The following DERL1 variants were observed in gnomAD, a reference collection of about 807,000 sequenced individuals.
The protein encoded by DERL1 is derlin 1.
In DERL1, 24 loss-of-function variants were observed where a neutral mutation model predicts 41.6. That is an observed-to-expected ratio of 0.58 (90% CI 0.42 to 0.81). The LOEUF (loss-of-function observed/expected upper bound fraction) is 0.81. Among genes scored for constraint, DERL1 ranks in the 30% least tolerant of loss-of-function variants. The pLI, the probability that DERL1 is intolerant of heterozygous loss-of-function variation, is 0.00. For synonymous variants in DERL1, 124 were observed against 112.5 expected, an observed-to-expected ratio of 1.10 and a Z score of -0.65; for missense variants, 260 against 314.3, an observed-to-expected ratio of 0.83 and a Z score of 1.31.
chr8:123,025,395 C>G (rs1270927077), intron 2 of DERL1, among the ~76,000 whole-genome samples: 1 of 152,222 alleles, frequency 6.6e-6, no homozygotes, highest in East Asian at 1.9e-4. Flanking sequence ...CAAGCTCCCT[C>G]CCAGCCTGTC....
chr8:123,041,801 A>C (rs1294007686), intron 1 of DERL1, among the ~76,000 whole-genome samples, 169 bp downstream of exon 1: 1 of 152,206 alleles, frequency 6.6e-6, no homozygotes, highest in East Asian at 1.9e-4. Flanking sequence ...ACCCCGCTCC[A>C]GATCCCAGAG....
At chr8:123,021,345 T>C in intron 6 of DERL1, 102 bp downstream of exon 6, 2 of 1,095,752 alleles carry the variant, frequency 1.8e-6, no homozygotes, top group Non-Finnish European at 1.4e-6. Flanking sequence ...AATGCGTCAA[T>C]GTTGAGATTC....
chr8:123,019,127 G>T, intron 7 of DERL1, 68 bp downstream of exon 7: 1 of 1,066,018 alleles, frequency 9.4e-7, no homozygotes, highest in Non-Finnish European at 1.4e-6. Flanking sequence ...TCCTCATGGA[G>T]CTCTCATTAG....
chr8:123,025,096 C>A (rs1338529733), intron 2 of DERL1, 46 bp from the exon 3 acceptor site: 1 of 1,592,198 alleles, frequency 6.3e-7, no homozygotes, highest in Non-Finnish European at 8.6e-7. Context: ...AATTTCACAA[C>A]AAAGTAACAT....
intron 1 of DERL1, 97 bp from the exon 2 acceptor site, chr8:123,030,813 T>G: frequency 1.2e-6 from 1 of 816,446 alleles, no homozygotes; most frequent in Non-Finnish European, 2.0e-6. Context: ...TCCTCCTCAA[T>G]GAGAGGTGTG....
At chr8:123,035,045 C>T (rs1365711485) in intron 1 of DERL1, among the ~76,000 whole-genome samples, 1 of 152,200 alleles carries the variant, frequency 6.6e-6, no homozygotes, top group Non-Finnish European at 1.5e-5. Context: ...TTTATAAATT[C>T]ATATTTCAAC....
chr8:123,026,938 G>A (rs1812710485), intron 2 of DERL1, among the ~76,000 whole-genome samples: 1 of 152,070 alleles, frequency 6.6e-6, no homozygotes, highest in African/African-American at 2.4e-5. Flanking sequence ...AGTCACAAAA[G>A]GCAACAAGAT....
At chr8:123,025,257 C>G (rs1219334127) in intron 2 of DERL1, among the ~76,000 whole-genome samples, 1 of 152,226 alleles carries the variant, frequency 6.6e-6, no homozygotes. Context: ...TAAGGTTAAT[C>G]TATGCTCTCC....
chr8:123,024,900 G>T, intron 3 of DERL1, 86 bp downstream of exon 3: 1 of 1,357,638 alleles, frequency 7.4e-7, no homozygotes, highest in South Asian at 1.4e-5. Flanking sequence ...ATTGTAATTT[G>T]AAACGTTTAC....
chr8:123,029,547 C>G (rs781728251), intron 2 of DERL1, among the ~76,000 whole-genome samples: 10 of 152,154 alleles, frequency 6.6e-5, no homozygotes, highest in Non-Finnish European at 1.2e-4. Context: ...AGTTCTCTAT[C>G]CTGAGGTAAC....
chr8:123,032,142 T>C (rs1563634090), intron 1 of DERL1, among the ~76,000 whole-genome samples: 1 of 149,680 alleles, frequency 6.7e-6, no homozygotes, highest in Admixed American at 6.6e-5. Flanking sequence ...TACATTTTTT[T>C]TTTCCCCCCC....
intron 2 of DERL1, among the ~76,000 whole-genome samples, chr8:123,025,989 AAAAG>A (rs1457917266): frequency 6.6e-6 from 1 of 152,174 alleles, no homozygotes; most frequent in African/African-American, 2.4e-5. Flanking sequence ...GAAAAAAAAA[AAAAG>A]AAACAGAAAT....
intron 2 of DERL1, among the ~76,000 whole-genome samples, chr8:123,029,594 C>T (rs1812776652): frequency 6.6e-6 from 1 of 152,194 alleles, no homozygotes; most frequent in Non-Finnish European, 1.5e-5. Flanking sequence ...AGTCAGTCAG[C>T]CTTTTCAAAG....
intron 1 of DERL1, among the ~76,000 whole-genome samples, chr8:123,041,386 G>T (rs1382539674): frequency 1.3e-5 from 2 of 152,150 alleles, no homozygotes; most frequent in Non-Finnish European, 2.9e-5. Flanking sequence ...TCCATTTCTG[G>T]ACAAATGTAC....
chr8:123,032,301 ATT>A (rs959614853), intron 1 of DERL1, among the ~76,000 whole-genome samples: 1 of 151,872 alleles, frequency 6.6e-6, no homozygotes, highest in African/African-American at 2.4e-5. Flanking sequence ...CACCTGGCTA[ATT>A]TTTATATTTT....
intron 2 of DERL1, chr8:123,030,098 A>G (rs1212756352): frequency 6.6e-6 from 1 of 152,184 alleles, no homozygotes; most frequent in Non-Finnish European, 1.5e-5. Context: ...TTACATTGGT[A>G]CTCATACCTG....
At chr8:123,024,376 G>C (rs1189189098) in intron 3 of DERL1, among the ~76,000 whole-genome samples, 1 of 152,196 alleles carries the variant, frequency 6.6e-6, no homozygotes, top group Non-Finnish European at 1.5e-5. Flanking sequence ...TTAAATGGCA[G>C]CTGAGCCCAA....
At chr8:123,024,842 A>T (rs554742219) in intron 3 of DERL1, 144 bp downstream of exon 3, 114 of 816,638 alleles carry the variant, frequency 1.4e-4, no homozygotes, top group Admixed American at 5.3e-4. Flanking sequence ...AGTTTTTTTT[A>T]AAAAACTATA....
chr8:123,015,357 C>T lies in DERL1; in HGVS notation c.*90G>A. ...GACTACATTCAGTGTGGGTCAGGTC[C>T]AACAGTGTTAGCCAGAACGCAGTTG... On this transcript the variant is annotated 3_prime_UTR_variant, in exon 8 of 8. Coordinates refer to ENST00000259512, the MANE Select transcript of DERL1 (RefSeq NM_024295.6). 6.6e-7 allele frequency: 1 copy of T among 1,509,832 alleles called. No individual in the cohort carries two copies. Among genetic ancestry groups the T allele is most frequent in the Non-Finnish European group, 8.9e-7 (1 of 1,120,440 alleles). The allele number at this position is 1,509,832 out of a possible 1,614,324, so 93.5% of individuals were successfully genotyped here.
Sources: gnomAD v4.1 joint callset for allele counts (sites outside exome capture counted in the v4.1 genomes callset) on GRCh38, gnomAD v4.1.1 for gene constraint, MANE v1.5 for transcripts, NCBI Gene and HGNC (gene_info 2026-07-23, HGNC 2026-07-21) for gene names.